Variants in COL18A1 observed in about 807,000 individuals in gnomAD.
COL18A1 encodes the protein collagen alpha-1(XVIII) chain.
In COL18A1, 133 loss-of-function variants were observed where a neutral mutation model predicts 168.0. The ratio of observed to expected loss-of-function variants is 0.79; its 90% CI spans 0.69 to 0.91. The LOEUF is 0.91. Ranked by LOEUF, COL18A1 falls within the 40% of genes least tolerant of loss-of-function variation. COL18A1 has a pLI of 0.00. For missense variants in COL18A1, 2,126 were observed against 1,925.4 expected, an observed-to-expected ratio of 1.10 and a Z score of -1.95; for synonymous variants, 949 against 809.0, an observed-to-expected ratio of 1.17 and a Z score of -2.94.
intron 38 of COL18A1, among the ~76,000 whole-genome samples, 177 bp from the exon 39 acceptor site, chr21:45,509,179 G>T (rs1460913555): frequency 6.6e-6 from 1 of 152,060 alleles, no homozygotes; most frequent in Non-Finnish European, 1.5e-5. Context: ...CGGCAGGCAG[G>T]ACTCCCCACC....
intron 2 of COL18A1, among the ~76,000 whole-genome samples, chr21:45,439,345 T>A (rs951381373): frequency 6.6e-6 from 1 of 152,214 alleles, no homozygotes; most frequent in African/African-American, 2.4e-5. Flanking sequence ...GTGCCTCGTG[T>A]GCGTGTGAGC....
In COL18A1 at chr21:45,473,966, C is replaced by T. The variant is rs762538491; in HGVS notation, c.723C>T (p.Gly241=). The T allele has an allele frequency of 1.1e-5, 17 of 1,598,262 alleles. No homozygotes were observed. Among genetic ancestry groups the T allele is most frequent in the Admixed American group, 1.0e-4 (6 of 58,108 alleles). The part of the protein sequence containing the change: ...VSPMHCLDEE[G]DDSDGASGDS... ...CCATGCACTGCCTGGACGAGGAAGGCGATGACTCAGATGGGGTGAGTGACA... is the reference window on the plus strand; with the variant it reads ...CCATGCACTGCCTGGACGAGGAAGGTGATGACTCAGATGGGGTGAGTGACA... The change falls in exon 4 of 42, where the codon GGC becomes GGT. Residue 241 remains glycine, a synonymous_variant. Transcript: ENST00000651438. The surrounding 1 kb of genome is among the most constrained non-coding windows in gnomAD (Gnocchi z 4.0).
intron 34 of COL18A1, 120 bp downstream of exon 34, chr21:45,504,676 C>G (rs923459407): frequency 8.3e-6 from 7 of 841,590 alleles, no homozygotes; most frequent in Non-Finnish European, 1.3e-5. Flanking sequence ...GCAAGCTCAG[C>G]AGCCCCGACA....
chr21:45,451,155 T>C (rs1375643825), intron 2 of COL18A1, among the ~76,000 whole-genome samples: 5 of 152,186 alleles, frequency 3.3e-5, no homozygotes, highest in African/African-American at 1.2e-4. Flanking sequence ...TGCGTGCGGG[T>C]AGCCCATGGC....
chr21:45,450,466 G>A (rs1051573005), intron 2 of COL18A1, among the ~76,000 whole-genome samples: 2 of 152,226 alleles, frequency 1.3e-5, no homozygotes, highest in African/African-American at 4.8e-5. Context: ...TCAAAGCTAC[G>A]GTTGGGGCCT....
intron 5 of COL18A1, among the ~76,000 whole-genome samples, chr21:45,476,124 G>A (rs951624823): frequency 4.3e-4 from 65 of 150,790 alleles, no homozygotes; most frequent in African/African-American, 1.5e-3. Flanking sequence ...CTGTGGTGAC[G>A]GCAGGCGCGG....
intron 18 of COL18A1, among the ~76,000 whole-genome samples, 178 bp from the exon 19 acceptor site, chr21:45,489,308 G>A (rs1398611274): frequency 6.6e-6 from 1 of 152,208 alleles, no homozygotes; most frequent in East Asian, 1.9e-4. Context: ...CAGCCAGCCT[G>A]GGCCCACGGG....
At chr21:45,475,913 C>CG (rs1602480516) in intron 5 of COL18A1, among the ~76,000 whole-genome samples, 2 of 152,246 alleles carry the variant, frequency 1.3e-5, no homozygotes, top group Middle Eastern at 3.2e-3. Context: ...GAGAAGGCGG[C>CG]GCAGGGAGCG....
intron 2 of COL18A1, among the ~76,000 whole-genome samples, chr21:45,459,707 G>A (rs146587591): frequency 1.9e-3 from 293 of 152,330 alleles, no homozygotes; most frequent in African/African-American, 6.6e-3. Context: ...AAGGGAGTGA[G>A]GCCCCCTCAC....
rs1205967046 is a variant in COL18A1, at chr21:45,473,380, G to A, written c.652-515G>A. 1.3e-5 allele frequency among the ~76,000 whole-genome samples: 2 copies of A among 152,228 alleles called. No individual in the cohort carries two copies. Among genetic ancestry groups the A allele is most frequent in the Non-Finnish European group, 1.5e-5 (1 of 68,042 alleles). On this transcript the variant is annotated intron_variant, in intron 3 of 41. Transcript: ENST00000651438. The surrounding 1 kb of genome is among the most constrained non-coding windows in gnomAD (Gnocchi z 4.0). Reference sequence around the variant, plus strand: ...ATCCAGGAAACTCCCCTACATCTGCGGCGTTTCTGTCCTTGGCTTCTGGGT... The same window carrying A: ...ATCCAGGAAACTCCCCTACATCTGCAGCGTTTCTGTCCTTGGCTTCTGGGT...
Position 45,501,218 on chromosome 21 carries a change from A to G in COL18A1, c.2684-2793A>G, listed in dbSNP as rs140618005. Among the ~76,000 whole-genome samples, 1,226 of 152,146 alleles carry G rather than the reference A, an allele frequency of 8.1e-3. 12 individuals carry two copies. The highest frequency in any genetic ancestry group is 0.034 in the Middle Eastern group (10 of 294). On this transcript the variant is annotated intron_variant, in intron 32 of 41. Coordinates refer to ENST00000651438, the MANE Select transcript of COL18A1 (RefSeq NM_001379500.1). Reference sequence around the variant, plus strand: ...TACCAGAGAAATTGAGTAATTCTACATTTCTATGCATCTAATGAGATAGCC... The same window carrying G: ...TACCAGAGAAATTGAGTAATTCTACGTTTCTATGCATCTAATGAGATAGCC...
At chr21:45,490,689 G>T (rs559979147) in intron 20 of COL18A1, 147 bp from the exon 21 acceptor site, 31 of 836,744 alleles carry the variant, frequency 3.7e-5, no homozygotes, top group East Asian at 3.2e-4. Flanking sequence ...ATAAGTCTCC[G>T]TCAGGGCTCT....
At chr21:45,503,334 T>A (rs2036966649) in intron 32 of COL18A1, among the ~76,000 whole-genome samples, 1 of 152,116 alleles carries the variant, frequency 6.6e-6, no homozygotes, top group African/African-American at 2.4e-5. Flanking sequence ...ATGATGAGCA[T>A]TTTTTCATGT....
intron 6 of COL18A1, among the ~76,000 whole-genome samples, chr21:45,477,166 C>T (rs2236460): frequency 0.37 from 56,856 of 151,802 alleles, 11,404 homozygotes; most frequent in African/African-American, 0.53. Context: ...ATCTCCCAGA[C>T]TTCAGCTGTC....
At chr21:45,494,767 T>A (rs2036474702) in intron 27 of COL18A1, 95 bp from the exon 28 acceptor site, 2 of 1,299,538 alleles carry the variant, frequency 1.5e-6, no homozygotes, top group Admixed American at 3.9e-5. Flanking sequence ...CAGGGTGCTG[T>A]GCTCTGCATG....
chr21:45,493,684 C>A (rs1232537629), intron 26 of COL18A1, 109 bp downstream of exon 26: 8 of 821,014 alleles, frequency 9.7e-6, no homozygotes, highest in Non-Finnish European at 1.6e-5. Context: ...CGAGCCTCTC[C>A]CAAGCAGGGC....
intron 15 of COL18A1, among the ~76,000 whole-genome samples, 156 bp downstream of exon 15, chr21:45,482,977 G>A (rs979916311): frequency 2.0e-5 from 3 of 152,170 alleles, no homozygotes; most frequent in African/African-American, 2.4e-5. Context: ...CCGTCCTGCC[G>A]GAATCGCGGG....
At chr21:45,439,356 A>G (rs968922768) in intron 2 of COL18A1, among the ~76,000 whole-genome samples, 1 of 152,212 alleles carries the variant, frequency 6.6e-6, no homozygotes, top group African/African-American at 2.4e-5. Context: ...GCGTGTGAGC[A>G]GAGGCCGTGT....
chr21:45,462,439 T>A (rs1027880708), intron 2 of COL18A1, among the ~76,000 whole-genome samples: 2 of 152,186 alleles, frequency 1.3e-5, no homozygotes, highest in African/African-American at 4.8e-5. Context: ...CCTTAGGCTC[T>A]TTTCACCTTT....
Sources: gnomAD v4.1 joint callset for allele counts (sites outside exome capture counted in the v4.1 genomes callset) on GRCh38, gnomAD v4.1.1 for gene constraint, Gnocchi (gnomAD v3.1) non-coding constraint, MANE v1.5 for transcripts, NCBI Gene and HGNC (gene_info 2026-07-23, HGNC 2026-07-21) for gene names.